NUDCD1: variants seen among roughly 807,000 people sequenced by gnomAD.
The protein encoded by NUDCD1 is nudC domain-containing protein 1.
In NUDCD1, 60 loss-of-function variants were observed where a neutral mutation model predicts 67.8. The ratio of observed to expected loss-of-function variants is 0.88; its 90% CI spans 0.72 to 1.10. The LOEUF (loss-of-function observed/expected upper bound fraction) is 1.10, where lower values mean the gene tolerates loss of function less well. Among genes scored for constraint, NUDCD1 ranks in the 50% least tolerant of loss-of-function variants. The probability of loss-of-function intolerance (pLI) is 0.00; values close to 1 mark genes in which losing one functional copy is unlikely to be tolerated. For synonymous variants in NUDCD1, 244 were observed against 230.8 expected (o/e 1.06, Z -0.52); for missense variants, 643 against 695.0 (o/e 0.93, Z 0.84).
At chr8:109,280,509 ATG>A (rs1335527610) in intron 6 of NUDCD1, among the ~76,000 whole-genome samples, 1 of 152,316 alleles carries the variant, frequency 6.6e-6, no homozygotes, top group East Asian at 1.9e-4. Flanking sequence ...TGTATGTAAA[ATG>A]TAACAACACT....
chr8:109,304,490 C>A (rs1815059507), intron 2 of NUDCD1, among the ~76,000 whole-genome samples: 1 of 152,176 alleles, frequency 6.6e-6, no homozygotes, highest in Admixed American at 6.5e-5. Context: ...GCTCTGCCAC[C>A]CTCCACTACC....
chr8:109,325,669 G>A (rs1815665800), intron 1 of NUDCD1, among the ~76,000 whole-genome samples: 1 of 152,154 alleles, frequency 6.6e-6, no homozygotes. Flanking sequence ...GTACAGGAAA[G>A]GTTGCAATAA....
At chr8:109,290,593 T>C (rs1814690598) in intron 4 of NUDCD1, among the ~76,000 whole-genome samples, 1 of 152,214 alleles carries the variant, frequency 6.6e-6, no homozygotes, top group Non-Finnish European at 1.5e-5. Flanking sequence ...GACATTTATC[T>C]ATATGCTTAT....
chr8:109,303,447 G>C (rs1815034322), intron 2 of NUDCD1, among the ~76,000 whole-genome samples: 1 of 152,146 alleles, frequency 6.6e-6, no homozygotes, highest in Non-Finnish European at 1.5e-5. Flanking sequence ...CATAACTGTT[G>C]TGAGTATTGA....
chr8:109,309,885 A>G (rs2130090798), intron 2 of NUDCD1, among the ~76,000 whole-genome samples: 1 of 152,056 alleles, frequency 6.6e-6, no homozygotes, highest in East Asian at 1.9e-4. Context: ...AACAAAACAA[A>G]CAAACAAAAA....
chr8:109,326,501 C>T (rs1222730857), intron 1 of NUDCD1, among the ~76,000 whole-genome samples: 1 of 152,088 alleles, frequency 6.6e-6, no homozygotes, highest in African/African-American at 2.4e-5. Context: ...TAGGGGGCAG[C>T]GAGGCTTCAA....
intron 8 of NUDCD1, among the ~76,000 whole-genome samples, chr8:109,253,370 T>C (rs1048968908): frequency 6.6e-6 from 1 of 152,174 alleles, no homozygotes; most frequent in South Asian, 2.1e-4. Context: ...AATGTGATCA[T>C]AATAGCACAG....
At chr8:109,303,922 A>G (rs942605104) in intron 2 of NUDCD1, among the ~76,000 whole-genome samples, 5 of 152,160 alleles carry the variant, frequency 3.3e-5, no homozygotes, top group Non-Finnish European at 7.4e-5. Context: ...AAACTGGACA[A>G]GTCTTACAGG....
At chr8:109,262,951 A>C (rs1330847627) in intron 8 of NUDCD1, among the ~76,000 whole-genome samples, 4 of 146,556 alleles carry the variant, frequency 2.7e-5, no homozygotes, top group Non-Finnish European at 6.0e-5. Flanking sequence ...GCTACTCAGG[A>C]GGCTGAGGCA....
At chr8:109,248,426 T>A (rs1813549138) in intron 8 of NUDCD1, among the ~76,000 whole-genome samples, 1 of 152,206 alleles carries the variant, frequency 6.6e-6, no homozygotes, top group African/African-American at 2.4e-5. Context: ...TTCTCCAAAT[T>A]GTAAAGAAAT....
At chr8:109,250,416 G>A (rs1435562840) in intron 8 of NUDCD1, among the ~76,000 whole-genome samples, 2 of 152,132 alleles carry the variant, frequency 1.3e-5, no homozygotes, top group African/African-American at 4.8e-5. Context: ...TGCCTAAAAG[G>A]TGTTTGGCTT....
intron 8 of NUDCD1, among the ~76,000 whole-genome samples, chr8:109,264,842 T>C (rs972470887): frequency 1.1e-4 from 16 of 151,622 alleles, no homozygotes; most frequent in Non-Finnish European, 2.1e-4. Context: ...AACAATGACA[T>C]TCCTCCTACT....
chr8:109,252,986 T>C (rs945508246), intron 8 of NUDCD1, among the ~76,000 whole-genome samples: 1 of 152,198 alleles, frequency 6.6e-6, no homozygotes, highest in Non-Finnish European at 1.5e-5. Flanking sequence ...GACAATTCAA[T>C]ATCTACAAGA....
chr8:109,282,329 T>C (rs183124981), intron 5 of NUDCD1, among the ~76,000 whole-genome samples: 2 of 152,094 alleles, frequency 1.3e-5, no homozygotes, highest in South Asian at 2.1e-4. Context: ...ACAAGCACCA[T>C]CTACTGGCTT....
chr8:109,277,081 CT>C, intron 6 of NUDCD1, among the ~76,000 whole-genome samples: 1 of 152,202 alleles, frequency 6.6e-6, no homozygotes, highest in South Asian at 2.1e-4. Flanking sequence ...GTCTTAAGCA[CT>C]TTACATGTTT....
rs560348996 is a variant in NUDCD1 at position 109,277,196 on chromosome 8, G to C, written c.1029-1700C>G. Among the ~76,000 whole-genome samples the C allele has an allele frequency of 5.9e-5, 9 of 152,168 alleles. No individual in the cohort carries two copies. In the East Asian group the frequency reaches 1.7e-3, roughly 29 times the overall value. On this transcript the variant is annotated intron_variant, in intron 6 of 9. Transcript: ENST00000239690. ...TACTGAGGTTAAGCAACTTGCCAAG[G>C]TCACAAGCTATTTAAACAGTCTGGC...
intron 8 of NUDCD1, among the ~76,000 whole-genome samples, chr8:109,249,020 T>C (rs1209680264): frequency 1.3e-5 from 2 of 151,930 alleles, no homozygotes; most frequent in Admixed American, 6.6e-5. Context: ...ACTAATTATT[T>C]ATACTTTTCC....
chr8:109,250,663 A>C (rs1405152577), intron 8 of NUDCD1, among the ~76,000 whole-genome samples: 1 of 152,050 alleles, frequency 6.6e-6, no homozygotes, highest in Non-Finnish European at 1.5e-5. Context: ...TTTGCTCAGC[A>C]TTTTTATCAT....
intron 2 of NUDCD1, among the ~76,000 whole-genome samples, chr8:109,321,175 T>C (rs1029049839): frequency 1.3e-5 from 2 of 152,278 alleles, no homozygotes; most frequent in African/African-American, 2.4e-5. Context: ...GTAGATGCAA[T>C]GCGCAGGAGG....
Sources: allele counts gnomAD v4.1 joint callset (sites outside exome capture counted in the v4.1 genomes callset), GRCh38; gene constraint gnomAD v4.1.1; transcripts MANE v1.5; gene names NCBI Gene and HGNC (gene_info 2026-07-23, HGNC 2026-07-21).